SGCD: variants seen among roughly 807,000 people sequenced by gnomAD.
SGCD encodes the protein sarcoglycan delta.
A neutral mutation model predicts 36.6 loss-of-function variants in SGCD; 18 were observed. The ratio of observed to expected loss-of-function variants is 0.49; its 90% CI spans 0.34 to 0.73. SGCD has a LOEUF of 0.73. Among genes scored for constraint, SGCD ranks in the 30% least tolerant of loss-of-function variants. The probability of loss-of-function intolerance (pLI) is 0.01; values close to 1 mark genes in which losing one functional copy is unlikely to be tolerated. For missense variants in SGCD, 387 were observed against 346.7 expected (o/e 1.12, Z -0.92); for synonymous variants, 133 against 130.6 (o/e 1.02, Z -0.12).
intron 1 of SGCD, among the ~76,000 whole-genome samples, chr5:156,023,295 G>A (rs948159695): frequency 6.6e-6 from 1 of 152,042 alleles, no homozygotes; most frequent in East Asian, 1.9e-4. Context: ...TTCTTTGGGG[G>A]CTTTATACCT....
chr5:156,747,764 G>C (rs1757002417), intron 7 of SGCD, among the ~76,000 whole-genome samples: 1 of 152,102 alleles, frequency 6.6e-6, no homozygotes, highest in Non-Finnish European at 1.5e-5. Flanking sequence ...CCCACGTTGA[G>C]GGGAGAGAAT....
At chr5:156,737,448 C>T (rs1298868045) in intron 7 of SGCD, among the ~76,000 whole-genome samples, 1 of 152,076 alleles carries the variant, frequency 6.6e-6, no homozygotes, top group African/African-American at 2.4e-5. Context: ...AGTAAGTATG[C>T]AATAATTTTT....
At position 156,728,832 on chromosome 5, in the gene SGCD, A is replaced by T. The variant is rs1755915892; in HGVS notation, c.576-28749A>T. On this transcript the variant is annotated intron_variant, in intron 7 of 8. Coordinates refer to ENST00000337851, the MANE Select transcript of SGCD (RefSeq NM_000337.6). The stretch of plus-strand genomic sequence containing the variant: ...GTTGCAAAAACATCACTTGTATAAA[A>T]GAGTTGCACCATAACTGATGATTGA... Among the ~76,000 whole-genome samples, 3 of 152,294 alleles carry T rather than the reference A, an allele frequency of 2.0e-5. No homozygotes were observed. In the South Asian group the frequency reaches 6.2e-4, roughly 32 times the overall value.
chr5:156,676,026 A>G (rs1253158923), intron 7 of SGCD, among the ~76,000 whole-genome samples: 3 of 152,168 alleles, frequency 2.0e-5, no homozygotes, highest in Non-Finnish European at 4.4e-5. Context: ...TCTTAACCAT[A>G]GCATGGAAAT....
intron 3 of SGCD, among the ~76,000 whole-genome samples, chr5:156,409,885 T>A (rs1206000531): frequency 6.6e-6 from 1 of 152,144 alleles, no homozygotes; most frequent in African/African-American, 2.4e-5. Flanking sequence ...AGTCCCATTA[T>A]TTTTCTTTCC....
intron 4 of SGCD, among the ~76,000 whole-genome samples, chr5:156,585,929 T>C (rs1342684260): frequency 6.6e-6 from 1 of 152,112 alleles, no homozygotes; most frequent in East Asian, 1.9e-4. Context: ...AGTACAAGGG[T>C]ATTTCTATAC....
chr5:156,625,565 G>A (rs1762407887), intron 6 of SGCD, among the ~76,000 whole-genome samples: 1 of 152,190 alleles, frequency 6.6e-6, no homozygotes, highest in Non-Finnish European at 1.5e-5. Flanking sequence ...CTAGATTCCA[G>A]TTAGAGGTTA....
At chr5:156,217,702 C>G (rs140844190) in intron 3 of SGCD, among the ~76,000 whole-genome samples, 1 of 152,120 alleles carries the variant, frequency 6.6e-6, no homozygotes, top group Admixed American at 6.5e-5. Context: ...AATTTTTAAT[C>G]AGGCAGGGCA....
intron 1 of SGCD, among the ~76,000 whole-genome samples, chr5:156,040,601 A>G (rs961921235): frequency 2.0e-5 from 3 of 152,166 alleles, no homozygotes; most frequent in African/African-American, 7.2e-5. Flanking sequence ...GTGAAAAGCC[A>G]CCACTTTCCA....
chr5:155,961,564 G>C (rs1026152551), intron 1 of SGCD, among the ~76,000 whole-genome samples: 3 of 152,088 alleles, frequency 2.0e-5, no homozygotes, highest in African/African-American at 7.2e-5. Context: ...CTGAAGACTA[G>C]TGAAGATTAA....
At chr5:155,869,464 C>A (rs547899169), upstream of SGCD, among the ~76,000 whole-genome samples, 1 of 151,974 alleles carries the variant, frequency 6.6e-6, no homozygotes, top group East Asian at 1.9e-4. Flanking sequence ...ATTATAATGA[C>A]CCTGTGAGTT....
chr5:156,101,024 C>T (rs1368321), intron 1 of SGCD, among the ~76,000 whole-genome samples: 32,886 of 151,990 alleles, frequency 0.22, 3,819 homozygotes, highest in Middle Eastern at 0.25. Flanking sequence ...GATTTGTGCA[C>T]CTATAAGAAG....
At chr5:156,730,150 G>T (rs533773537) in intron 7 of SGCD, among the ~76,000 whole-genome samples, 2 of 152,180 alleles carry the variant, frequency 1.3e-5, no homozygotes, top group South Asian at 4.2e-4. Flanking sequence ...TTACCTTTAA[G>T]ATTCAGATAA....
intron 3 of SGCD, among the ~76,000 whole-genome samples, chr5:156,183,141 G>A (rs1188905150): frequency 2.6e-5 from 4 of 152,070 alleles, no homozygotes; most frequent in Non-Finnish European, 5.9e-5. Context: ...TTGGCTGGGT[G>A]TGGTGCTGGA....
At chr5:156,457,468 A>G (rs914347005) in intron 3 of SGCD, among the ~76,000 whole-genome samples, 5 of 152,236 alleles carry the variant, frequency 3.3e-5, no homozygotes, top group Non-Finnish European at 2.9e-5. Context: ...TGACACATCC[A>G]TTCAAAAATG....
At chr5:156,634,207 T>C (rs1762738856) in intron 6 of SGCD, among the ~76,000 whole-genome samples, 2 of 152,082 alleles carry the variant, frequency 1.3e-5, no homozygotes, top group South Asian at 4.1e-4. Context: ...GTTTCTGCTT[T>C]TGACCCAATG....
intron 3 of SGCD, among the ~76,000 whole-genome samples, chr5:156,369,700 A>G (rs1580885054): frequency 6.6e-6 from 1 of 152,196 alleles, no homozygotes; most frequent in African/African-American, 2.4e-5. Flanking sequence ...TTAAATCTAA[A>G]TTTAGCTCTT....
chr5:155,959,867 C>T (rs1757755380), intron 1 of SGCD, among the ~76,000 whole-genome samples: 1 of 151,952 alleles, frequency 6.6e-6, no homozygotes, highest in Non-Finnish European at 1.5e-5. Flanking sequence ...AACTGAAACC[C>T]AGAGAGGTTA....
At chr5:155,786,566 G>A in the SGCD span, among the ~76,000 whole-genome samples, 9 of 152,222 alleles carry the variant, frequency 5.9e-5, no homozygotes, top group South Asian at 6.2e-4. Context: ...TTACTAAAGG[G>A]AAAGAGGTGC....
Sources: gnomAD v4.1 joint callset for allele counts (sites outside exome capture counted in the v4.1 genomes callset) on GRCh38, gnomAD v4.1.1 for gene constraint, MANE v1.5 for transcripts, NCBI Gene and HGNC (gene_info 2026-07-23, HGNC 2026-07-21) for gene names.